Variants in DGLUCY observed in about 807,000 individuals in gnomAD.
DGLUCY encodes D-glutamate cyclase, mitochondrial.
A neutral mutation model predicts 58.5 loss-of-function variants in DGLUCY; 58 were observed. That is an observed-to-expected ratio of 0.99 (90% CI 0.80 to 1.23). DGLUCY has a LOEUF of 1.23. Ranked by LOEUF, DGLUCY falls within the 50% of genes most tolerant of loss-of-function variation. The probability of loss-of-function intolerance (pLI) is 0.00; values close to 1 mark genes in which losing one functional copy is unlikely to be tolerated. For missense variants in DGLUCY, 779 were observed against 784.7 expected, an observed-to-expected ratio of 0.99 and a Z score of 0.09; for synonymous variants, 325 against 314.1, an observed-to-expected ratio of 1.03 and a Z score of -0.37.
chr14:91,152,218 CCA>C lies in DGLUCY; in HGVS notation c.-81-5420_-81-5419del, dbSNP rs1341006728. The stretch of plus-strand genomic sequence containing the variant: ...CAGCCTGGGTAGCATAGTGAGACCC[CCA>C]TCTTTACAAAAAAATAACAGAAATT... On this transcript the variant is annotated intron_variant, in intron 1 of 13. Transcript: ENST00000256324. 2.0e-5 allele frequency among the ~76,000 whole-genome samples: 3 copies of C among 152,152 alleles called. No homozygotes were observed. The East Asian group carries it at 5.8e-4, about 29-fold the overall frequency.
chr14:91,062,558 A>AAAAAATAT (rs1555386902), intron 1 of DGLUCY, among the ~76,000 whole-genome samples: 1 of 23,692 alleles, frequency 4.2e-5, no homozygotes, highest in Non-Finnish European at 7.5e-5. Flanking sequence ...AAAAAAAAAA[A>AAAAAATAT]ATATATATAT....
intron 1 of DGLUCY, among the ~76,000 whole-genome samples, chr14:91,108,529 GAGAGAGA>G (rs2044637955): frequency 1.8e-5 from 2 of 110,648 alleles, no homozygotes; most frequent in African/African-American, 8.2e-5. Flanking sequence ...GTGTGTGTGA[GAGAGAGA>G]GAGAGAGAGA....
intron 1 of DGLUCY, among the ~76,000 whole-genome samples, chr14:91,096,745 C>T (rs1440944995): frequency 1.3e-5 from 2 of 152,148 alleles, no homozygotes; most frequent in Non-Finnish European, 2.9e-5. Flanking sequence ...GTACATTCAG[C>T]CTGAGGCTGA....
chr14:91,176,130 A>G lies in DGLUCY; in HGVS notation c.730+74A>G. ...AGTGGGGTCTAGTTCTTGAAAGCAT[A>G]TTCTCGTAGTACAATGATTTAAAAA... On this transcript the variant is annotated intron_variant, in intron 7 of 13. Coordinates refer to ENST00000256324, the MANE Select transcript of DGLUCY (RefSeq NM_001102368.3). The G allele has an allele frequency of 2.6e-6, 4 of 1,529,350 alleles. No individual in the cohort carries two copies. In the Admixed American group the frequency reaches 8.2e-5, roughly 31 times the overall value. The allele number at this position is 1,529,350 out of a possible 1,614,324, so 94.7% of individuals were successfully genotyped here.
intron 1 of DGLUCY, among the ~76,000 whole-genome samples, chr14:91,092,890 C>G (rs1457943892): frequency 6.6e-6 from 1 of 151,960 alleles, no homozygotes; most frequent in Non-Finnish European, 1.5e-5. Context: ...TCAAGACCAG[C>G]CTGGCCAACA....
intron 1 of DGLUCY, among the ~76,000 whole-genome samples, chr14:91,077,621 A>G (rs571898018): frequency 2.0e-5 from 3 of 151,516 alleles, no homozygotes; most frequent in South Asian, 4.2e-4. Context: ...GTATAGTGGC[A>G]TGCGCCTGTA....
At position 91,215,352 on chromosome 14, in the gene DGLUCY, A is replaced by G. The variant is rs111833724; in HGVS notation, c.1565-53A>G. The G allele has an allele frequency of 7.1e-5, 111 of 1,556,538 alleles. 1 individual carries two copies. The African/African-American group carries it at 1.4e-3, about 20-fold the overall frequency. On this transcript the variant is annotated intron_variant, in intron 12 of 13. Transcript: ENST00000256324. ...AGTTCTGCTTCCTAGAGGCAGGCTG[A>G]CAGACACATGACTTTTCCAACTCCA...
intron 9 of DGLUCY, among the ~76,000 whole-genome samples, chr14:91,194,499 T>C (rs899726722): frequency 6.6e-6 from 1 of 151,100 alleles, no homozygotes; most frequent in Non-Finnish European, 1.5e-5. Context: ...AGATGTGGGC[T>C]GAGGTTAGGG....
At chr14:91,212,025 A>G (rs960153526) in intron 12 of DGLUCY, among the ~76,000 whole-genome samples, 15 of 151,916 alleles carry the variant, frequency 9.9e-5, no homozygotes, top group Admixed American at 6.6e-4. Context: ...CTGGTCTCGA[A>G]CTCCTGACCT....
Position 91,167,535 on chromosome 14 carries a change from C to T in DGLUCY, c.257+157C>T, listed in dbSNP as rs1566978485. On this transcript the variant is annotated intron_variant, in intron 4 of 13. Transcript: ENST00000256324. ...TGACTGTTGCTCAGGAACGAGCTGC[C>T]CTCCCCACTGTTCTGACTCCTTCCC... The T allele has an allele frequency of 9.4e-6, 9 of 957,358 alleles. No homozygotes were observed. The East Asian group carries it at 2.0e-4, about 22-fold the overall frequency. 59.3% of individuals were successfully genotyped at this position (957,358 alleles called of 1,614,324 possible).
intron 1 of DGLUCY, among the ~76,000 whole-genome samples, chr14:91,087,798 C>T (rs917341498): frequency 6.6e-6 from 1 of 152,160 alleles, no homozygotes; most frequent in Non-Finnish European, 1.5e-5. Context: ...AGTGTACTCT[C>T]GTGACAAAAC....
chr14:91,188,295 G>T (rs1296424999), intron 8 of DGLUCY, among the ~76,000 whole-genome samples: 1 of 152,128 alleles, frequency 6.6e-6, no homozygotes, highest in Non-Finnish European at 1.5e-5. Context: ...CAGGCCCAGA[G>T]GTGGCATGCG....
intron 1 of DGLUCY, among the ~76,000 whole-genome samples, chr14:91,090,152 G>A (rs1364119779): frequency 2.0e-5 from 3 of 152,114 alleles, no homozygotes; most frequent in Non-Finnish European, 4.4e-5. Context: ...GGCTGAGCAC[G>A]CTTTCATTGC....
intron 9 of DGLUCY, among the ~76,000 whole-genome samples, chr14:91,192,535 C>T (rs1291876923): frequency 4.6e-5 from 7 of 152,052 alleles, no homozygotes; most frequent in African/African-American, 7.2e-5. Flanking sequence ...TTTGGGAGAC[C>T]GAGACAGGCA....
chr14:91,083,759 C>T (rs560317702), intron 1 of DGLUCY, among the ~76,000 whole-genome samples: 15 of 152,072 alleles, frequency 9.9e-5, no homozygotes, highest in African/African-American at 3.4e-4. Context: ...GTTTCCACCT[C>T]GGGGCCTCTA....
intron 1 of DGLUCY, among the ~76,000 whole-genome samples, chr14:91,157,079 ATGGATGGATGGATGAATGGG>A (rs2047663756): frequency 1.4e-5 from 2 of 147,134 alleles, no homozygotes; most frequent in African/African-American, 5.0e-5. Flanking sequence ...GGATGGATGG[ATGGATGGATGGATGAATGGG>A]TGGATGGATG....
chr14:91,166,866 G>A (rs1394053979), intron 3 of DGLUCY, among the ~76,000 whole-genome samples: 3 of 152,112 alleles, frequency 2.0e-5, no homozygotes, highest in East Asian at 1.9e-4. Context: ...TTGGGAGGCC[G>A]AGGCGGGTGG....
At chr14:91,156,074 T>C (rs138272806) in intron 1 of DGLUCY, among the ~76,000 whole-genome samples, 5 of 152,180 alleles carry the variant, frequency 3.3e-5, no homozygotes, top group Middle Eastern at 3.4e-3. Flanking sequence ...TTTTGCATCA[T>C]TGGGAGATTA....
chr14:91,138,346 C>A (rs778794809), intron 1 of DGLUCY, among the ~76,000 whole-genome samples: 1 of 152,086 alleles, frequency 6.6e-6, no homozygotes, highest in Non-Finnish European at 1.5e-5. Flanking sequence ...ACAAAATTAG[C>A]CGGGTGTGGT....
Sources: allele counts gnomAD v4.1 joint callset (sites outside exome capture counted in the v4.1 genomes callset), GRCh38; gene constraint gnomAD v4.1.1; transcripts MANE v1.5; gene names NCBI Gene and HGNC (gene_info 2026-07-23, HGNC 2026-07-21).